The following LUZP2 variants were observed in gnomAD, a reference collection of about 807,000 sequenced individuals.
LUZP2 encodes the protein leucine zipper protein 2.
A neutral mutation model predicts 51.6 loss-of-function variants in LUZP2; 52 were observed. The observed-to-expected ratio is 1.01, with a 90% confidence interval of 0.81 to 1.27. The LOEUF is 1.27. Ranked by LOEUF, LUZP2 falls within the 50% of genes most tolerant of loss-of-function variation. The probability of loss-of-function intolerance (pLI) is 0.00; values close to 1 mark genes in which losing one functional copy is unlikely to be tolerated. For synonymous variants in LUZP2, 154 were observed against 137.3 expected (o/e 1.12, Z -0.85); for missense variants, 436 against 395.4 (o/e 1.10, Z -0.87).
chr11:24,956,252 A>T (rs1855205561), intron 7 of LUZP2, among the ~76,000 whole-genome samples: 1 of 151,906 alleles, frequency 6.6e-6, no homozygotes, highest in Admixed American at 6.6e-5. Context: ...TAATATGGCC[A>T]CAAGCAAGGA....
chr11:24,743,938 C>A (rs1208138353), intron 4 of LUZP2, among the ~76,000 whole-genome samples: 1 of 151,930 alleles, frequency 6.6e-6, no homozygotes, highest in Middle Eastern at 3.2e-3. Flanking sequence ...TTCTGATGAG[C>A]ATTCAACAGA....
chr11:25,041,388 C>G (rs578126953), intron 9 of LUZP2, among the ~76,000 whole-genome samples: 2 of 152,108 alleles, frequency 1.3e-5, no homozygotes, highest in Admixed American at 1.3e-4. Context: ...CTCAAAATAT[C>G]TTAATATTTT....
intron 9 of LUZP2, among the ~76,000 whole-genome samples, chr11:24,991,308 G>T (rs1584194): frequency 1 from 150,832 of 150,836 alleles, 75,414 homozygotes; most frequent in Middle Eastern, 1. Context: ...TTTATTCCTT[G>T]TTATGGCTGA....
chr11:25,026,649 T>C (rs950253816), intron 9 of LUZP2, among the ~76,000 whole-genome samples: 1 of 152,056 alleles, frequency 6.6e-6, no homozygotes, highest in Non-Finnish European at 1.5e-5. Flanking sequence ...TGGACAAATT[T>C]CTTAAACTCT....
chr11:24,610,111 A>G (rs1253341985), intron 1 of LUZP2, among the ~76,000 whole-genome samples: 2 of 152,218 alleles, frequency 1.3e-5, no homozygotes, highest in African/African-American at 4.8e-5. Flanking sequence ...AACTGTGTAA[A>G]TACCCAAGTC....
Position 24,926,222 on chromosome 11 carries a change from C to CGTGT in LUZP2, c.522+11685_522+11688dup, listed in dbSNP as rs1565118427. ...ATATATGTGTGTATATATATATATA[C>CGTGT]GTGTATATATATATGTGTGTGTATA... On this transcript the variant is annotated intron_variant, in intron 7 of 11. Coordinates refer to ENST00000336930, the MANE Select transcript of LUZP2 (RefSeq NM_001009909.4). Among the ~76,000 whole-genome samples the CGTGT allele has an allele frequency of 4.2e-4, 54 of 127,736 alleles. 1 individual carries two copies. The highest frequency in any genetic ancestry group is 1.6e-3 in the African/African-American group (53 of 33,614). The allele number at this position is 127,736 out of a possible 152,430, so 83.8% of individuals were successfully genotyped here.
intron 5 of LUZP2, among the ~76,000 whole-genome samples, chr11:24,842,899 A>C (rs1851081332): frequency 6.6e-6 from 1 of 151,914 alleles, no homozygotes; most frequent in Admixed American, 6.6e-5. Context: ...ATTAAACCTA[A>C]GCAAAGAAGT....
intron 1 of LUZP2, among the ~76,000 whole-genome samples, chr11:24,579,950 G>A (rs1852791179): frequency 1.3e-5 from 2 of 152,164 alleles, no homozygotes; most frequent in Non-Finnish European, 2.9e-5. Context: ...TATGTTCATG[G>A]AATTTACCTT....
intron 1 of LUZP2, among the ~76,000 whole-genome samples, chr11:24,566,776 T>C (rs1052625203): frequency 6.8e-6 from 1 of 146,348 alleles, no homozygotes; most frequent in East Asian, 1.9e-4. Context: ...ATAAGGTATA[T>C]ATACATATAT....
At chr11:24,966,376 G>C (rs1481231173) in intron 7 of LUZP2, among the ~76,000 whole-genome samples, 1 of 150,904 alleles carries the variant, frequency 6.6e-6, no homozygotes, top group Non-Finnish European at 1.5e-5. Context: ...TCTCTCTGTA[G>C]TGTCTATTGA....
At chr11:24,677,035 T>C (rs1856581037) in intron 1 of LUZP2, among the ~76,000 whole-genome samples, 1 of 152,156 alleles carries the variant, frequency 6.6e-6, no homozygotes, top group African/African-American at 2.4e-5. Context: ...TTAAAAAATT[T>C]CATGGTGAAT....
At chr11:24,797,398 A>G (rs531742874) in intron 5 of LUZP2, among the ~76,000 whole-genome samples, 2 of 152,188 alleles carry the variant, frequency 1.3e-5, no homozygotes, top group Non-Finnish European at 1.5e-5. Flanking sequence ...TTTGGCAAAC[A>G]CTGTATGAAT....
chr11:24,912,894 T>C (rs769524531), intron 6 of LUZP2, among the ~76,000 whole-genome samples: 2 of 152,152 alleles, frequency 1.3e-5, no homozygotes, highest in African/African-American at 4.8e-5. Context: ...ACATGCATTG[T>C]AAGCTTGGAA....
intron 9 of LUZP2, among the ~76,000 whole-genome samples, chr11:25,039,611 C>T (rs949312044): frequency 6.6e-6 from 1 of 152,138 alleles, no homozygotes; most frequent in African/African-American, 2.4e-5. Flanking sequence ...CCATCTCTGT[C>T]TAATACCTGG....
chr11:24,664,940 A>T (rs2133989800), intron 1 of LUZP2, among the ~76,000 whole-genome samples: 1 of 152,290 alleles, frequency 6.6e-6, no homozygotes, highest in South Asian at 2.1e-4. Context: ...CCATGGGGTC[A>T]CTGCCTGGTG....
intron 5 of LUZP2, among the ~76,000 whole-genome samples, chr11:24,808,547 A>G (rs561433202): frequency 1.1e-3 from 171 of 152,300 alleles, no homozygotes; most frequent in African/African-American, 4.0e-3. Flanking sequence ...ATAAACTATA[A>G]GAATCAAAGT....
chr11:24,646,102 A>G (rs1004542089), intron 1 of LUZP2, among the ~76,000 whole-genome samples: 4 of 152,184 alleles, frequency 2.6e-5, no homozygotes, highest in African/African-American at 9.6e-5. Flanking sequence ...TGATAACATC[A>G]GCTTCAAAGT....
At chr11:24,617,145 G>A (rs1331977395) in intron 1 of LUZP2, among the ~76,000 whole-genome samples, 1 of 151,998 alleles carries the variant, frequency 6.6e-6, no homozygotes, top group Non-Finnish European at 1.5e-5. Flanking sequence ...GTGAGGCTAT[G>A]CTATTTTTTC....
Position 25,050,124 on chromosome 11 carries a change from TCAAGA to T in LUZP2, c.853_857del (p.Gln285Ter), listed in dbSNP as rs775436776. 1.9e-6 allele frequency: 3 copies of T among 1,588,970 alleles called. No individual in the cohort carries two copies. The African/African-American group carries it at 4.1e-5, about 21-fold the overall frequency. ...ATCCAAGTACCACTGCCTGTGACTC[TCAAGA>T]TGTAAGAAAAACTTAAGATGCTTTT... On this transcript the variant is annotated frameshift_variant and splice_region_variant, in exon 10 of 12. Transcript: ENST00000336930. LOFTEE classifies it high-confidence loss of function.
Sources: allele counts gnomAD v4.1 joint callset (sites outside exome capture counted in the v4.1 genomes callset), GRCh38; gene constraint gnomAD v4.1.1; transcripts MANE v1.5; gene names NCBI Gene and HGNC (gene_info 2026-07-23, HGNC 2026-07-21).